Variants in MECOM observed in about 807,000 individuals in gnomAD.
MECOM encodes the protein MDS1 and EVI1 complex locus, also known as histone-lysine N-methyltransferase MECOM.
A neutral mutation model predicts 116.3 loss-of-function variants in MECOM; 13 were observed. That is an observed-to-expected ratio of 0.11 (90% CI 0.07 to 0.18). The LOEUF is 0.18. Ranked by LOEUF, MECOM falls within the 10% of genes least tolerant of loss-of-function variation. The probability of loss-of-function intolerance (pLI) is 1.00; values close to 1 mark genes in which losing one functional copy is unlikely to be tolerated. For synonymous variants in MECOM, 528 were observed against 535.2 expected (o/e 0.99, Z 0.19); for missense variants, 1,299 against 1,509.0 (o/e 0.86, Z 2.31).
intron 2 of MECOM, among the ~76,000 whole-genome samples, chr3:169,347,482 C>A (rs778082630): frequency 2.6e-5 from 4 of 151,940 alleles, no homozygotes; most frequent in Non-Finnish European, 4.4e-5. Flanking sequence ...TATAGAGAGA[C>A]ACGGAGTATT....
At chr3:169,208,340 C>A (rs1001373798) in intron 2 of MECOM, among the ~76,000 whole-genome samples, 1 of 148,118 alleles carries the variant, frequency 6.8e-6, no homozygotes, top group Non-Finnish European at 1.5e-5. Context: ...TAATGTATAG[C>A]AAAAGATTTG....
intron 1 of MECOM, among the ~76,000 whole-genome samples, chr3:169,493,473 C>T (rs773138115): frequency 5.9e-5 from 9 of 151,946 alleles, no homozygotes; most frequent in East Asian, 1.9e-4. Flanking sequence ...TAGAATCTAA[C>T]GAGGAACACC....
At chr3:169,109,424 T>C (rs1025068475) in intron 9 of MECOM, among the ~76,000 whole-genome samples, 1 of 150,458 alleles carries the variant, frequency 6.6e-6, no homozygotes, top group African/African-American at 2.5e-5. Context: ...TATCTTTTTT[T>C]TTTTTTTGAG....
chr3:169,368,381 T>G (rs1729529842), intron 2 of MECOM, among the ~76,000 whole-genome samples: 3 of 152,064 alleles, frequency 2.0e-5, no homozygotes, highest in East Asian at 1.9e-4. Flanking sequence ...GATTGTATGA[T>G]TCTATCAATG....
intron 7 of MECOM, among the ~76,000 whole-genome samples, chr3:169,120,258 T>A (rs1177327426): frequency 6.6e-6 from 1 of 152,202 alleles, no homozygotes; most frequent in Non-Finnish European, 1.5e-5. Context: ...CAACTGATTT[T>A]ACTTATAAAA....
intron 2 of MECOM, among the ~76,000 whole-genome samples, chr3:169,291,120 G>A (rs1030996437): frequency 2.0e-5 from 3 of 152,066 alleles, no homozygotes; most frequent in Admixed American, 1.3e-4. Context: ...TCCTTCAGTC[G>A]AAGCTCATTT....
chr3:169,632,799 T>C (rs1772250307), intron 1 of MECOM, among the ~76,000 whole-genome samples: 1 of 152,234 alleles, frequency 6.6e-6, no homozygotes, highest in Non-Finnish European at 1.5e-5. Flanking sequence ...TTGTTTGGTT[T>C]GATTTTCCGA....
chr3:169,121,310 T>C (rs932946362), intron 6 of MECOM, 101 bp from the exon 7 acceptor site: 2 of 1,289,464 alleles, frequency 1.6e-6, no homozygotes, highest in Non-Finnish European at 2.1e-6. Context: ...ATTTGTTTTG[T>C]TTTTCTTTTC....
intron 2 of MECOM, among the ~76,000 whole-genome samples, chr3:169,232,713 T>A (rs1753552019): frequency 6.6e-6 from 1 of 152,008 alleles, no homozygotes; most frequent in South Asian, 2.1e-4. Flanking sequence ...TGTGGTGCAG[T>A]TTGAAAATGA....
At chr3:169,565,368 G>A (rs886615283) in intron 1 of MECOM, among the ~76,000 whole-genome samples, 28 of 152,168 alleles carry the variant, frequency 1.8e-4, no homozygotes, top group Non-Finnish European at 1.5e-4. Flanking sequence ...GCAGTCTAGG[G>A]TGAACCAAGT....
At chr3:169,491,782 CCTT>C (rs985217114) in intron 1 of MECOM, among the ~76,000 whole-genome samples, 1 of 152,170 alleles carries the variant, frequency 6.6e-6, no homozygotes, top group Admixed American at 6.5e-5. Flanking sequence ...CTTCATCAAT[CCTT>C]CTAGTTTCGT....
At chr3:169,409,548 A>G (rs1737225010) in intron 1 of MECOM, among the ~76,000 whole-genome samples, 1 of 152,178 alleles carries the variant, frequency 6.6e-6, no homozygotes, top group Non-Finnish European at 1.5e-5. Context: ...CACTCATGCC[A>G]TCTATATTTC....
chr3:169,588,213 A>G (rs12634749), intron 1 of MECOM, among the ~76,000 whole-genome samples: 18,550 of 152,180 alleles, frequency 0.12, 1,517 homozygotes, highest in African/African-American at 0.23. Flanking sequence ...CAAACAACAG[A>G]GTAAATAACA....
chr3:169,262,956 C>T (rs929906962), intron 2 of MECOM, among the ~76,000 whole-genome samples: 19 of 150,040 alleles, frequency 1.3e-4, no homozygotes, highest in Admixed American at 6.6e-5. Flanking sequence ...TTCAGCTCAG[C>T]TGCCTCTTTC....
chr3:169,269,920 A>T (rs1257892386), intron 2 of MECOM, among the ~76,000 whole-genome samples: 4 of 152,054 alleles, frequency 2.6e-5, no homozygotes, highest in African/African-American at 9.7e-5. Context: ...AAATAGAAAT[A>T]TTTTTGTTCA....
rs1045469990 is a variant in MECOM, at chr3:169,652,232, G to T, written c.37+11104C>A. ...CTATGAGATTCTCACAGGAGTCTGG[G>T]ACCCAAAAGAAGGTCATGAACTATG... On this transcript the variant is annotated intron_variant, in intron 1 of 16. Transcript: ENST00000651503. Among the ~76,000 whole-genome samples, 3 of 152,248 alleles carry T rather than the reference G, an allele frequency of 2.0e-5. No individual in the cohort carries two copies. The East Asian group carries it at 5.8e-4, about 29-fold the overall frequency.
At chr3:169,390,700 C>T (rs567541742) in intron 1 of MECOM, among the ~76,000 whole-genome samples, 1 of 152,180 alleles carries the variant, frequency 6.6e-6, no homozygotes, top group South Asian at 2.1e-4. Flanking sequence ...AAATGAGAGC[C>T]CCAACTTGTT....
In MECOM at chr3:169,654,812, A is replaced by AC. The variant is rs1775333286; in HGVS notation, c.37+8523_37+8524insG. Among the ~76,000 whole-genome samples the AC allele has an allele frequency of 2.8e-5, 3 of 108,138 alleles. No individual in the cohort carries two copies. In the Admixed American group the frequency reaches 3.2e-4, roughly 12 times the overall value. 70.9% of individuals were successfully genotyped at this position (108,138 alleles called of 152,430 possible). On this transcript the variant is annotated intron_variant, in intron 1 of 16. Transcript: ENST00000651503. ...CTGTAATAAGTACTTCCACCTATCA[A>AC]AACACACACACACACACACACACAC... is the stretch of plus-strand genomic sequence containing the variant.
At chr3:169,329,236 C>T (rs140442770) in intron 2 of MECOM, among the ~76,000 whole-genome samples, 4 of 152,214 alleles carry the variant, frequency 2.6e-5, no homozygotes, top group Non-Finnish European at 5.9e-5. Context: ...AATTACAATG[C>T]TACATTCTAA....
Sources: allele counts gnomAD v4.1 joint callset (sites outside exome capture counted in the v4.1 genomes callset), GRCh38; gene constraint gnomAD v4.1.1; transcripts MANE v1.5; gene names NCBI Gene and HGNC (gene_info 2026-07-23, HGNC 2026-07-21).